CAMK2D: variants seen among roughly 807,000 people sequenced by gnomAD.
CAMK2D encodes calcium/calmodulin-dependent protein kinase type II subunit delta.
A neutral mutation model predicts 84.0 loss-of-function variants in CAMK2D; 37 were observed. That is an observed-to-expected ratio of 0.44 (90% confidence interval 0.34 to 0.58). The LOEUF is 0.58. Ranked by LOEUF, CAMK2D falls within the 20% of genes least tolerant of loss-of-function variation. The pLI is 0.02. For synonymous variants in CAMK2D, 202 were observed against 212.5 expected (o/e 0.95, Z 0.43); for missense variants, 448 against 652.5 (o/e 0.69, Z 3.41).
intron 4 of CAMK2D, among the ~76,000 whole-genome samples, chr4:113,569,277 G>A (rs1371521832): frequency 2.0e-5 from 3 of 152,082 alleles, no homozygotes; most frequent in Non-Finnish European, 4.4e-5. Flanking sequence ...TGTTGCTTGT[G>A]CTTTTGTGTC....
At chr4:113,650,641 T>C (rs2099169019) in intron 3 of CAMK2D, among the ~76,000 whole-genome samples, 1 of 152,116 alleles carries the variant, frequency 6.6e-6, no homozygotes, top group East Asian at 1.9e-4. Context: ...CAAAATATAA[T>C]GGGATGTTTT....
At chr4:113,552,462 T>C (rs562673415) in intron 4 of CAMK2D, among the ~76,000 whole-genome samples, 1 of 152,312 alleles carries the variant, frequency 6.6e-6, no homozygotes, top group Non-Finnish European at 1.5e-5. Flanking sequence ...ATCATAGCTA[T>C]TGAGTATGAG....
At chr4:113,516,616 A>T (rs1220804849) in intron 9 of CAMK2D, among the ~76,000 whole-genome samples, 1 of 109,150 alleles carries the variant, frequency 9.2e-6, no homozygotes, top group Non-Finnish European at 1.8e-5. Flanking sequence ...TGACACACAC[A>T]TCCATCTAAA....
At chr4:113,486,214 T>C (rs1287456444) in intron 16 of CAMK2D, among the ~76,000 whole-genome samples, 1 of 152,022 alleles carries the variant, frequency 6.6e-6, no homozygotes, top group African/African-American at 2.4e-5. Flanking sequence ...CGCTGTGGTA[T>C]TGAACTCCTG....
intron 2 of CAMK2D, among the ~76,000 whole-genome samples, chr4:113,690,297 C>T (rs756236309): frequency 2.0e-5 from 3 of 152,136 alleles, no homozygotes; most frequent in South Asian, 2.1e-4. Flanking sequence ...CACAAGGTCA[C>T]AGGTCCATAA....
At chr4:113,597,069 C>T (rs993563502) in intron 4 of CAMK2D, among the ~76,000 whole-genome samples, 11 of 152,146 alleles carry the variant, frequency 7.2e-5, no homozygotes, top group Non-Finnish European at 1.5e-4. Flanking sequence ...CTGCCCATCT[C>T]GGCCTCCCAA....
chr4:113,455,860 A>G, intron 19 of CAMK2D, 39 bp from the exon 20 acceptor site: 1 of 1,290,598 alleles, frequency 7.7e-7, no homozygotes, highest in Non-Finnish European at 1.1e-6. Flanking sequence ...CTGGCATAAA[A>G]TGAAGTTTTC....
At chr4:113,604,598 C>T (rs1330609050) in intron 4 of CAMK2D, among the ~76,000 whole-genome samples, 1 of 152,172 alleles carries the variant, frequency 6.6e-6, no homozygotes, top group Non-Finnish European at 1.5e-5. Flanking sequence ...TTGCCTGTTG[C>T]AGCATATTTC....
chr4:113,628,474 C>A (rs774869231), intron 3 of CAMK2D, among the ~76,000 whole-genome samples: 1 of 151,940 alleles, frequency 6.6e-6, no homozygotes, highest in Non-Finnish European at 1.5e-5. Flanking sequence ...TCTGGGTGAC[C>A]TTTCTTCTGG....
intron 4 of CAMK2D, among the ~76,000 whole-genome samples, chr4:113,596,319 G>C (rs770141564): frequency 8.5e-5 from 13 of 152,126 alleles, no homozygotes; most frequent in Non-Finnish European, 1.6e-4. Context: ...TCATCCATGA[G>C]AGATGGAATC....
chr4:113,510,231 TATTATTGGCTTAGAGCAA>T (rs778130341), intron 12 of CAMK2D, among the ~76,000 whole-genome samples: 3 of 152,230 alleles, frequency 2.0e-5, no homozygotes, highest in Non-Finnish European at 4.4e-5. Context: ...TAAAATGGCA[TATTATTGGCTTAGAGCAA>T]ATTTTTAAAA....
At position 113,504,991 on chromosome 4, in the gene CAMK2D, A is replaced by G; in HGVS notation, c.1029T>C (p.Ile343=). The G allele has an allele frequency of 1.9e-6, 3 of 1,578,752 alleles. No homozygotes were observed. Among genetic ancestry groups the G allele is most frequent in the Non-Finnish European group, 2.6e-6 (3 of 1,169,234 alleles). Residue 343 remains isoleucine (I), a synonymous_variant, in exon 14 of 21, where the codon ATT becomes ATC. Coordinates refer to ENST00000511664, the MANE Select transcript of CAMK2D (RefSeq NM_001321571.2). The part of the protein sequence containing the change: ...ANVVTSPKEN[I]PTPALEPQTT... ...CCAGGTATACCAGCGCTGGGGTAGG[A>G]ATATTTTCTTTGGGGCTGGTTACCA...
At chr4:113,463,600 T>C (rs1320508649) in intron 17 of CAMK2D, among the ~76,000 whole-genome samples, 2 of 152,190 alleles carry the variant, frequency 1.3e-5, no homozygotes, top group African/African-American at 4.8e-5. Flanking sequence ...GGTCTTGAAC[T>C]TCCAACCTCA....
chr4:113,524,392 T>A (rs1044930153), intron 8 of CAMK2D, among the ~76,000 whole-genome samples: 2 of 152,230 alleles, frequency 1.3e-5, no homozygotes, highest in African/African-American at 4.8e-5. Flanking sequence ...ATAATAATAT[T>A]TGTGCTTTTG....
chr4:113,741,429 T>C (rs1398836283), intron 2 of CAMK2D, among the ~76,000 whole-genome samples: 1 of 152,184 alleles, frequency 6.6e-6, no homozygotes, highest in Non-Finnish European at 1.5e-5. Context: ...ATTTTATTAG[T>C]ACTTGCTCAT....
At chr4:113,636,682 T>G (rs2099110955) in intron 3 of CAMK2D, among the ~76,000 whole-genome samples, 1 of 152,156 alleles carries the variant, frequency 6.6e-6, no homozygotes, top group Non-Finnish European at 1.5e-5. Context: ...TGAACTCAAA[T>G]AGTGGAGAGA....
At chr4:113,717,135 C>T (rs540655280) in intron 2 of CAMK2D, among the ~76,000 whole-genome samples, 1 of 152,066 alleles carries the variant, frequency 6.6e-6, no homozygotes, top group African/African-American at 2.4e-5. Flanking sequence ...TTCTGTCCCT[C>T]TCAGAACAGC....
chr4:113,535,499 T>G (rs1433420609), intron 7 of CAMK2D, among the ~76,000 whole-genome samples: 1 of 152,182 alleles, frequency 6.6e-6, no homozygotes, highest in Non-Finnish European at 1.5e-5. Context: ...TATGTCCCTC[T>G]CTTCTAAAAA....
At chr4:113,679,142 A>C (rs1368183117) in intron 2 of CAMK2D, among the ~76,000 whole-genome samples, 1 of 152,298 alleles carries the variant, frequency 6.6e-6, no homozygotes, top group East Asian at 1.9e-4. Flanking sequence ...GTGCAATAAC[A>C]TTGTTAAGAG....
Sources: allele counts gnomAD v4.1 joint callset (sites outside exome capture counted in the v4.1 genomes callset), GRCh38; gene constraint gnomAD v4.1.1; transcripts MANE v1.5; gene names NCBI Gene and HGNC (gene_info 2026-07-23, HGNC 2026-07-21).